D2HGDH: variants seen among roughly 807,000 people sequenced by gnomAD.
The protein encoded by D2HGDH is D-2-hydroxyglutarate dehydrogenase, mitochondrial.
A neutral mutation model predicts 46.9 loss-of-function variants in D2HGDH; 31 were observed. The ratio of observed to expected loss-of-function variants is 0.66; its 90% CI spans 0.50 to 0.89. The LOEUF is 0.89. D2HGDH is among the 40% of genes least tolerant of loss of function. D2HGDH has a pLI of 0.00. For missense variants in D2HGDH, 698 were observed against 720.8 expected (o/e 0.97, Z 0.36); for synonymous variants, 364 against 332.6 (o/e 1.09, Z -1.03).
At chr2:241,745,514 G>A (rs530501670) in intron 6 of D2HGDH, among the ~76,000 whole-genome samples, 3 of 152,218 alleles carry the variant, frequency 2.0e-5, no homozygotes, top group Non-Finnish European at 2.9e-5. Context: ...CTCCCAGTTC[G>A]GTGTCTTGAG....
chr2:241,751,352 C>G lies in D2HGDH; in HGVS notation c.1104C>G (p.Thr368=), dbSNP rs779689966. 1 of 1,613,702 alleles carries G rather than the reference C, an allele frequency of 6.2e-7. No homozygotes were observed. Among genetic ancestry groups the G allele is most frequent in the Non-Finnish European group, 8.5e-7 (1 of 1,180,034 alleles). Residue 368 remains threonine, a synonymous_variant, in exon 8 of 10, where the codon ACC becomes ACG. Coordinates refer to ENST00000321264, the MANE Select transcript of D2HGDH (RefSeq NM_152783.5). ...LEHALGSGLV[T]DGTMATDQRK... is the part of the protein sequence containing the mutation. Reference sequence around the variant, plus strand: ...ACGCGCTGGGCTCCGGCCTGGTGACCGATGGGACCATGGCCACCGACCAGA... The same window carrying G: ...ACGCGCTGGGCTCCGGCCTGGTGACGGATGGGACCATGGCCACCGACCAGA...
rs1157642004 is a variant in D2HGDH at position 241,742,738 on chromosome 2, G to A, written c.490+164G>A. ...TAGCCTGGCCGCCTAGCCCCACCTC[G>A]CCCGGCCCCTCCAGACATGCGTGCT... is the stretch of plus-strand genomic sequence containing the variant. On this transcript the variant is annotated intron_variant, in intron 4 of 9. Transcript: ENST00000321264. This position sits in a 1 kb window ranked among gnomAD's most constrained non-coding sequence, Gnocchi z 4.8. Among the ~76,000 whole-genome samples the A allele has an allele frequency of 3.9e-5, 6 of 152,168 alleles. No individual in the cohort carries two copies. Among genetic ancestry groups the A allele is most frequent in the South Asian group, 2.1e-4 (1 of 4,834 alleles).
intron 9 of D2HGDH, among the ~76,000 whole-genome samples, chr2:241,760,426 G>T (rs1279669500): frequency 1.4e-5 from 2 of 142,222 alleles, no homozygotes; most frequent in Non-Finnish European, 3.0e-5. Flanking sequence ...AAGGCTTTTT[G>T]CCACAGCGTG....
rs747902589 is a variant in D2HGDH at position 241,742,592 on chromosome 2, G to A, written c.490+18G>A. On this transcript the variant is annotated intron_variant, in intron 4 of 9. Transcript: ENST00000321264. The surrounding 1 kb of genome is among the most constrained non-coding windows in gnomAD (Gnocchi z 4.8). ...CGTGTCTGGTAAGCCTGTGCCACCCGTCGGGGCCCAGGAGTCCCTCCTGGT... is the reference window on the plus strand; with the variant it reads ...CGTGTCTGGTAAGCCTGTGCCACCCATCGGGGCCCAGGAGTCCCTCCTGGT... The A allele has an allele frequency of 5.6e-6, 9 of 1,613,988 alleles. No homozygotes were observed. Among genetic ancestry groups the A allele is most frequent in the Admixed American group, 3.3e-5 (2 of 60,024 alleles).
At chr2:241,763,334 C>T (rs1698998440) in intron 9 of D2HGDH, among the ~76,000 whole-genome samples, 1 of 152,152 alleles carries the variant, frequency 6.6e-6, no homozygotes, top group African/African-American at 2.4e-5. Flanking sequence ...CACTTAATGC[C>T]GGAAGCAGTT....
intron 3 of D2HGDH, among the ~76,000 whole-genome samples, chr2:241,741,605 C>T (rs1694480143): frequency 1.1e-5 from 1 of 88,368 alleles, no homozygotes; most frequent in African/African-American, 8.4e-5. Flanking sequence ...GTGGGACTTG[C>T]TGTCTCCAGG....
chr2:241,740,594 ACTG>A (rs1694173118), intron 2 of D2HGDH, among the ~76,000 whole-genome samples: 1 of 152,144 alleles, frequency 6.6e-6, no homozygotes, highest in East Asian at 1.9e-4. Context: ...ATCATAGCTC[ACTG>A]CAGCCTTGAC....
In D2HGDH at chr2:241,758,769, ATGTG is replaced by A. The variant is rs558559121; in HGVS notation, c.1306+2795_1306+2798del. Among the ~76,000 whole-genome samples the A allele has an allele frequency of 6.9e-3, 912 of 131,962 alleles. 8 individuals carry two copies. The highest frequency in any genetic ancestry group is 0.021 in the African/African-American group (730 of 34,710). The allele number at this position is 131,962 out of a possible 152,430, so 86.6% of individuals were successfully genotyped here. On this transcript the variant is annotated intron_variant, in intron 9 of 9. Coordinates refer to ENST00000321264, the MANE Select transcript of D2HGDH (RefSeq NM_152783.5). The stretch of plus-strand genomic sequence containing the variant: ...TATACCGCCCCCCGCCCCACAATAT[ATGTG>A]TGTGTGTGTGTGTGTGTGTGTGTGT...
At chr2:241,756,917 G>A (rs1368808358) in intron 9 of D2HGDH, among the ~76,000 whole-genome samples, 8 of 152,272 alleles carry the variant, frequency 5.3e-5, no homozygotes, top group Admixed American at 4.6e-4. Flanking sequence ...GTGGAGCATG[G>A]CTTTGGGGCC....
intron 6 of D2HGDH, among the ~76,000 whole-genome samples, chr2:241,747,370 G>C (rs112239301): frequency 6.7e-6 from 1 of 149,632 alleles, no homozygotes; most frequent in Non-Finnish European, 1.5e-5. Flanking sequence ...TGCCAAAGAC[G>C]AGGTACCTTC....
chr2:241,749,458 C>A, intron 6 of D2HGDH: 1 of 1,044,442 alleles, frequency 9.6e-7, no homozygotes, highest in Non-Finnish European at 1.2e-6. Context: ...GCAGACATCT[C>A]CACTCAGTTC....
chr2:241,738,867 T>C (rs1575186429), intron 2 of D2HGDH, among the ~76,000 whole-genome samples: 1 of 152,364 alleles, frequency 6.6e-6, no homozygotes, highest in East Asian at 1.9e-4. Context: ...TGTTTGCTGA[T>C]GTGAGGCTTA....
intron 5 of D2HGDH, among the ~76,000 whole-genome samples, chr2:241,744,079 G>A (rs778836359): frequency 3.3e-5 from 5 of 152,166 alleles, no homozygotes; most frequent in South Asian, 2.1e-4. Context: ...AGGGGACACC[G>A]CCCCGGCAGT....
chr2:241,748,904 G>T, intron 6 of D2HGDH: 1 of 1,298,212 alleles, frequency 7.7e-7, no homozygotes. Flanking sequence ...GGGAGCCCGA[G>T]GCCAGCCCGG....
intron 8 of D2HGDH, among the ~76,000 whole-genome samples, chr2:241,754,058 C>T (rs916400641): frequency 6.6e-6 from 1 of 152,214 alleles, no homozygotes; most frequent in Non-Finnish European, 1.5e-5. Flanking sequence ...CCCTGAGGGG[C>T]GCGTGCCTGC....
intron 6 of D2HGDH, 109 bp downstream of exon 6, chr2:241,744,986 A>G: frequency 1.4e-6 from 2 of 1,399,930 alleles, no homozygotes; most frequent in Non-Finnish European, 2.0e-6. Context: ...CCCGCCAAGG[A>G]CAGTCGGTTC....
At chr2:241,767,686 A>T (rs6756901) in intron 9 of D2HGDH, 24 bp from the exon 10 acceptor site, 4 of 1,611,164 alleles carry the variant, frequency 2.5e-6, no homozygotes, top group Non-Finnish European at 3.4e-6. Context: ...GCCCAGCCTG[A>T]CCCATGTGCC....
At chr2:241,737,369 A>G (rs1207883022) in intron 2 of D2HGDH, among the ~76,000 whole-genome samples, 4 of 152,228 alleles carry the variant, frequency 2.6e-5, no homozygotes, top group African/African-American at 9.6e-5. Flanking sequence ...CTCCTGGCCA[A>G]CAATGCCTGC....
chr2:241,741,390 G>T (rs1402353230), intron 3 of D2HGDH, among the ~76,000 whole-genome samples: 1 of 152,262 alleles, frequency 6.6e-6, no homozygotes, highest in African/African-American at 2.4e-5. Context: ...CATGACTGTG[G>T]ACAGTGCTTT....
Sources: gnomAD v4.1 joint callset for allele counts (sites outside exome capture counted in the v4.1 genomes callset) on GRCh38, gnomAD v4.1.1 for gene constraint, Gnocchi (gnomAD v3.1) non-coding constraint, MANE v1.5 for transcripts, NCBI Gene and HGNC (gene_info 2026-07-23, HGNC 2026-07-21) for gene names.